The following NDUFAF2 variants were observed in gnomAD, a reference collection of about 807,000 sequenced individuals.
The protein encoded by NDUFAF2 is NADH dehydrogenase [ubiquinone] 1 alpha subcomplex assembly factor 2.
In NDUFAF2, 13 loss-of-function variants were observed where a neutral mutation model predicts 22.8. That is an observed-to-expected ratio of 0.57 (90% CI 0.37 to 0.91). NDUFAF2 has a LOEUF of 0.91. Among genes scored for constraint, NDUFAF2 ranks in the 40% least tolerant of loss-of-function variants. NDUFAF2 has a pLI of 0.01. For synonymous variants in NDUFAF2, 53 were observed against 64.2 expected (o/e 0.83, Z 0.84); for missense variants, 162 against 195.2 (o/e 0.83, Z 1.01).
chr5:61,142,497 C>T (rs1741073872), intron 3 of NDUFAF2, among the ~76,000 whole-genome samples: 1 of 152,166 alleles, frequency 6.6e-6, no homozygotes. Flanking sequence ...TGAAAAAATG[C>T]ATGAGGAAGG....
At chr5:61,147,117 G>A (rs576410577) in intron 3 of NDUFAF2, among the ~76,000 whole-genome samples, 10 of 151,794 alleles carry the variant, frequency 6.6e-5, no homozygotes, top group East Asian at 1.9e-4. Flanking sequence ...TCATCCTTTC[G>A]TCTTCACCTC....
At chr5:60,961,681 G>A (rs1456540323) in intron 1 of NDUFAF2, among the ~76,000 whole-genome samples, 1 of 149,604 alleles carries the variant, frequency 6.7e-6, no homozygotes, top group African/African-American at 2.5e-5. Flanking sequence ...CAGGAGAATC[G>A]CTTGAACCCA....
At chr5:61,116,785 A>G (rs2111792808) in intron 3 of NDUFAF2, 1 of 152,318 alleles carries the variant, frequency 6.6e-6, no homozygotes, top group South Asian at 2.1e-4. Flanking sequence ...ATAAAACTGC[A>G]GCATTGGCAA....
At chr5:61,123,009 C>T (rs1167919480) in intron 3 of NDUFAF2, among the ~76,000 whole-genome samples, 1 of 152,124 alleles carries the variant, frequency 6.6e-6, no homozygotes, top group Non-Finnish European at 1.5e-5. Flanking sequence ...ATAAAAGTTC[C>T]TTTCCTGTCC....
chr5:60,950,166 G>A (rs927897692), intron 1 of NDUFAF2, among the ~76,000 whole-genome samples: 1 of 152,016 alleles, frequency 6.6e-6, no homozygotes, highest in African/African-American at 2.4e-5. Flanking sequence ...CCATATCTTA[G>A]AAGAAAAACA....
At chr5:61,070,627 A>ACACACACT (rs1244534996) in intron 1 of NDUFAF2, among the ~76,000 whole-genome samples, 1 of 151,498 alleles carries the variant, frequency 6.6e-6, no homozygotes, top group East Asian at 1.9e-4. Context: ...ACACACACAC[A>ACACACACT]CGCACTCACA....
chr5:61,053,446 A>G (rs1246052808), intron 1 of NDUFAF2, among the ~76,000 whole-genome samples: 1 of 152,194 alleles, frequency 6.6e-6, no homozygotes, highest in East Asian at 1.9e-4. Context: ...TTTTCTCCAC[A>G]TAGTAGAATA....
intron 1 of NDUFAF2, among the ~76,000 whole-genome samples, chr5:61,002,532 C>T (rs1180724730): frequency 5.9e-5 from 9 of 152,114 alleles, no homozygotes; most frequent in Admixed American, 3.9e-4. Context: ...GTGAAGTGTT[C>T]AGCTTTTCTT....
chr5:60,990,758 C>G (rs906907422), intron 1 of NDUFAF2, among the ~76,000 whole-genome samples: 1 of 152,038 alleles, frequency 6.6e-6, no homozygotes, highest in African/African-American at 2.4e-5. Flanking sequence ...CACGTAACCA[C>G]CTTGAAGATG....
chr5:61,085,082 A>C (rs1340856395), intron 2 of NDUFAF2, among the ~76,000 whole-genome samples: 3 of 152,144 alleles, frequency 2.0e-5, no homozygotes, highest in Admixed American at 2.0e-4. Context: ...CCTGATATCA[A>C]CCTGACAGAA....
chr5:60,948,296 T>C (rs1750492288), intron 1 of NDUFAF2, among the ~76,000 whole-genome samples: 1 of 152,336 alleles, frequency 6.6e-6, no homozygotes, highest in Non-Finnish European at 1.5e-5. Context: ...CTCGGCTTAC[T>C]GCAACCTCTG....
At chr5:61,134,386 T>A (rs1256255941) in intron 3 of NDUFAF2, among the ~76,000 whole-genome samples, 1 of 152,150 alleles carries the variant, frequency 6.6e-6, no homozygotes, top group Non-Finnish European at 1.5e-5. Flanking sequence ...TTTACACAAT[T>A]TCAAAATACA....
chr5:60,946,680 A>G (rs1042031544), intron 1 of NDUFAF2, among the ~76,000 whole-genome samples: 5 of 152,218 alleles, frequency 3.3e-5, no homozygotes, highest in Admixed American at 6.5e-5. Context: ...ACATACAGTA[A>G]CATTCACCCT....
intron 1 of NDUFAF2, among the ~76,000 whole-genome samples, chr5:61,022,493 A>G (rs1751596451): frequency 6.6e-6 from 1 of 152,174 alleles, no homozygotes; most frequent in Admixed American, 6.5e-5. Context: ...CTTTGAGGAT[A>G]TTATTCTGTT....
At chr5:61,133,576 A>C (rs1753139293) in intron 3 of NDUFAF2, among the ~76,000 whole-genome samples, 1 of 152,236 alleles carries the variant, frequency 6.6e-6, no homozygotes, top group South Asian at 2.1e-4. Flanking sequence ...GGTATAAGCA[A>C]TTTAAAAAAA....
At chr5:61,143,959 TTTG>T (rs1428199375) in intron 3 of NDUFAF2, among the ~76,000 whole-genome samples, 8 of 48,252 alleles carry the variant, frequency 1.7e-4, no homozygotes, top group South Asian at 5.7e-4. Flanking sequence ...ATGGCATATT[TTTG>T]TGTGTGTGTG....
At chr5:60,983,801 T>C (rs1751027062) in intron 1 of NDUFAF2, among the ~76,000 whole-genome samples, 1 of 151,948 alleles carries the variant, frequency 6.6e-6, no homozygotes, top group Admixed American at 6.6e-5. Flanking sequence ...TTGGTTACTG[T>C]AGCCTTGTAG....
intron 2 of NDUFAF2, among the ~76,000 whole-genome samples, chr5:61,080,555 G>T (rs1398584041): frequency 6.6e-6 from 1 of 152,142 alleles, no homozygotes; most frequent in Non-Finnish European, 1.5e-5. Flanking sequence ...ATTCTAATTG[G>T]TGTGTTTTGA....
At chr5:61,076,276 A>G (rs1752369594) in intron 2 of NDUFAF2, among the ~76,000 whole-genome samples, 1 of 152,104 alleles carries the variant, frequency 6.6e-6, no homozygotes, top group South Asian at 2.1e-4. Flanking sequence ...GGGTTTCACC[A>G]TGTTAGCTAG....
Sources: allele counts gnomAD v4.1 joint callset (sites outside exome capture counted in the v4.1 genomes callset), GRCh38; gene constraint gnomAD v4.1.1; transcripts MANE v1.5; gene names NCBI Gene and HGNC (gene_info 2026-07-23, HGNC 2026-07-21).